The following CDH12 variants were observed in gnomAD, a reference collection of about 807,000 sequenced individuals.
CDH12 encodes cadherin-12.
In CDH12, 41 loss-of-function variants were observed where a neutral mutation model predicts 74.1. The observed-to-expected ratio is 0.55, with a 90% CI of 0.43 to 0.72. CDH12 has a LOEUF of 0.72. CDH12 is among the 30% of genes least tolerant of loss of function. The pLI, the probability that CDH12 is intolerant of heterozygous loss-of-function variation, is 0.00. For synonymous variants in CDH12, 399 were observed against 355.0 expected (o/e 1.12, Z -1.39); for missense variants, 945 against 977.2 (o/e 0.97, Z 0.44).
At chr5:22,460,643 T>A (rs528456714) in intron 2 of CDH12, among the ~76,000 whole-genome samples, 24 of 151,974 alleles carry the variant, frequency 1.6e-4, no homozygotes, top group African/African-American at 5.8e-4. Flanking sequence ...AATGCAAATG[T>A]TATAATCTTT....
chr5:22,416,411 TAAA>T (rs1743395326), intron 2 of CDH12, among the ~76,000 whole-genome samples: 1 of 152,066 alleles, frequency 6.6e-6, no homozygotes, highest in Non-Finnish European at 1.5e-5. Context: ...TGGAATATGA[TAAA>T]AAGTGCCAGT....
At chr5:22,834,215 C>T (rs570415406) in intron 1 of CDH12, among the ~76,000 whole-genome samples, 1 of 152,266 alleles carries the variant, frequency 6.6e-6, no homozygotes, top group South Asian at 2.1e-4. Context: ...AAGTGAGAAA[C>T]AGGGTCAAAT....
intron 3 of CDH12, among the ~76,000 whole-genome samples, chr5:22,314,845 TA>T (rs537076120): frequency 2.5e-3 from 384 of 151,804 alleles, no homozygotes; most frequent in Non-Finnish European, 3.1e-3. Context: ...AATAGGTTAT[TA>T]TTTTTTTTTA....
intron 1 of CDH12, among the ~76,000 whole-genome samples, chr5:22,835,487 A>G (rs1042763839): frequency 2.6e-5 from 4 of 152,138 alleles, no homozygotes; most frequent in African/African-American, 9.7e-5. Context: ...AGAAGTAAAT[A>G]TTCATTTTTA....
chr5:22,033,503 G>C (rs1278188416), intron 5 of CDH12, among the ~76,000 whole-genome samples: 1 of 152,130 alleles, frequency 6.6e-6, no homozygotes, highest in Non-Finnish European at 1.5e-5. Context: ...ATATTTCTGT[G>C]TTAGTTTTAT....
chr5:22,270,806 G>A (rs2150400058), intron 3 of CDH12, among the ~76,000 whole-genome samples: 1 of 151,870 alleles, frequency 6.6e-6, no homozygotes, highest in Non-Finnish European at 1.5e-5. Context: ...AAAGTAGCTG[G>A]GATTACAGGT....
chr5:22,652,311 T>A (rs1739785922), intron 1 of CDH12, among the ~76,000 whole-genome samples: 1 of 152,122 alleles, frequency 6.6e-6, no homozygotes, highest in African/African-American at 2.4e-5. Flanking sequence ...TTTCCAGAGT[T>A]AAAATTACAT....
At chr5:21,783,524 G>A in intron 10 of CDH12, 30 bp from the exon 11 acceptor site, 1 of 1,560,230 alleles carries the variant, frequency 6.4e-7, no homozygotes, top group Non-Finnish European at 8.8e-7. Context: ...ATGCAAATGT[G>A]CAATGATTAC....
chr5:22,689,751 C>T (rs529087953), intron 1 of CDH12, among the ~76,000 whole-genome samples: 159 of 152,048 alleles, frequency 1.0e-3, no homozygotes, highest in Non-Finnish European at 1.3e-3. Context: ...AAACTATTCA[C>T]AGATAAGGAG....
chr5:22,245,004 C>T (rs1007788782), intron 3 of CDH12, among the ~76,000 whole-genome samples: 5 of 152,012 alleles, frequency 3.3e-5, no homozygotes, highest in African/African-American at 1.2e-4. Flanking sequence ...GAAGCAGGGC[C>T]CGCTGATATG....
chr5:21,866,873 GA>G (rs1305957114), intron 6 of CDH12, among the ~76,000 whole-genome samples: 1 of 151,866 alleles, frequency 6.6e-6, no homozygotes, highest in African/African-American at 2.4e-5. Flanking sequence ...GGTCTAGGAG[GA>G]AAAAAAATGG....
chr5:22,837,801 GATCATGGTAGATAGAAGCC>G (rs1736899347), intron 1 of CDH12, among the ~76,000 whole-genome samples: 1 of 152,158 alleles, frequency 6.6e-6, no homozygotes, highest in South Asian at 2.1e-4. Flanking sequence ...GTCATAATAT[GATCATGGTAGATAGAAGCC>G]TAATTTTGCT....
intron 1 of CDH12, among the ~76,000 whole-genome samples, chr5:22,819,714 G>A (rs990735017): frequency 4.0e-5 from 6 of 151,266 alleles, no homozygotes; most frequent in Non-Finnish European, 5.9e-5. Flanking sequence ...ATTATCAAAC[G>A]CAATACAAAA....
At chr5:22,103,076 G>A (rs1219212219) in intron 4 of CDH12, among the ~76,000 whole-genome samples, 1 of 152,120 alleles carries the variant, frequency 6.6e-6, no homozygotes, top group African/African-American at 2.4e-5. Context: ...CAGCATTTCA[G>A]CAGATGCCTG....
chr5:22,045,348 T>C (rs1389961388), intron 5 of CDH12, among the ~76,000 whole-genome samples: 2 of 152,144 alleles, frequency 1.3e-5, no homozygotes, highest in African/African-American at 2.4e-5. Context: ...GAATGTAAAT[T>C]AGCACAACCA....
At chr5:22,601,971 C>T (rs1186471121) in intron 1 of CDH12, among the ~76,000 whole-genome samples, 1 of 152,030 alleles carries the variant, frequency 6.6e-6, no homozygotes, top group African/African-American at 2.4e-5. Context: ...ATGTAAGACA[C>T]ATTCAAAGGG....
chr5:22,386,934 A>G (rs2126404611), intron 3 of CDH12, among the ~76,000 whole-genome samples: 1 of 152,142 alleles, frequency 6.6e-6, no homozygotes, highest in African/African-American at 2.4e-5. Flanking sequence ...CTTAATTTAT[A>G]ATATACACAT....
chr5:21,834,478 C>A (rs1749420926), intron 8 of CDH12, among the ~76,000 whole-genome samples: 1 of 151,596 alleles, frequency 6.6e-6, no homozygotes, highest in South Asian at 2.1e-4. Context: ...AAAGCATGGC[C>A]CTAAAAACAG....
At chr5:22,259,028 T>C (rs1047419348) in intron 3 of CDH12, among the ~76,000 whole-genome samples, 1 of 138,960 alleles carries the variant, frequency 7.2e-6, no homozygotes, top group African/African-American at 2.5e-5. Flanking sequence ...AGAATGATAG[T>C]TTTTTTCTAC....
Sources: gnomAD v4.1 joint callset for allele counts (sites outside exome capture counted in the v4.1 genomes callset) on GRCh38, gnomAD v4.1.1 for gene constraint, MANE v1.5 for transcripts, NCBI Gene and HGNC (gene_info 2026-07-23, HGNC 2026-07-21) for gene names.